The following MYZAP variants were observed in gnomAD, a reference collection of about 807,000 sequenced individuals.
MYZAP encodes the protein GRINL1A complex locus upstream.
A neutral mutation model predicts 69.4 loss-of-function variants in MYZAP; 66 were observed. The ratio of observed to expected loss-of-function variants is 0.95; its 90% CI spans 0.78 to 1.17. The LOEUF is 1.17. MYZAP is among the 50% of genes most tolerant of loss of function. The pLI is 0.00. For missense variants in MYZAP, 611 were observed against 556.2 expected (o/e 1.10, Z -0.99); for synonymous variants, 256 against 205.9 (o/e 1.24, Z -2.09).
At chr15:57,636,321 G>A (rs1198021091) in intron 8 of MYZAP, among the ~76,000 whole-genome samples, 1 of 152,080 alleles carries the variant, frequency 6.6e-6, no homozygotes, top group South Asian at 2.1e-4. Context: ...AGTCAAAGTT[G>A]ATCTACCTTT....
At chr15:57,626,002 T>G in intron 5 of MYZAP, 110 bp downstream of exon 5, 1 of 968,764 alleles carries the variant, frequency 1.0e-6, no homozygotes, top group Non-Finnish European at 1.6e-6. Flanking sequence ...TGATTCAGAA[T>G]TCTTTAAGCA....
rs117528328 is a variant in MYZAP, at chr15:57,667,007, C to G, written c.1203+5474C>G. On this transcript the variant is annotated intron_variant, in intron 11 of 12. Coordinates refer to ENST00000267853, the MANE Select transcript of MYZAP (RefSeq NM_001018100.5). ...TTATCTTCATAAGCTTTCTGAAACT[C>G]TGAACAGATTTCGTTACACTTTTCT... is the stretch of plus-strand genomic sequence containing the variant. Among the ~76,000 whole-genome samples the G allele has an allele frequency of 1.9e-3, 288 of 152,196 alleles. 3 individuals carry two copies. The highest frequency in any genetic ancestry group is 3.5e-3 in the Admixed American group (53 of 15,284).
At chr15:57,636,852 G>T (rs576863494) in intron 8 of MYZAP, among the ~76,000 whole-genome samples, 2 of 152,298 alleles carry the variant, frequency 1.3e-5, no homozygotes, top group South Asian at 4.1e-4. Flanking sequence ...TTTCCACAAG[G>T]TTAGTGGCTT....
At chr15:57,676,459 CATAT>C (rs1450210805) in intron 12 of MYZAP, among the ~76,000 whole-genome samples, 1 of 138,846 alleles carries the variant, frequency 7.2e-6, no homozygotes, top group African/African-American at 2.8e-5. Context: ...TATATATATA[CATAT>C]ATATACATAT....
At chr15:57,625,725 T>A (rs1013835756) in intron 4 of MYZAP, 54 bp from the exon 5 acceptor site, 2 of 1,534,372 alleles carry the variant, frequency 1.3e-6, no homozygotes, top group African/African-American at 1.4e-5. Context: ...AACTGAAGAT[T>A]GTCGTGAACG....
In MYZAP at chr15:57,684,369, C is replaced by T. The variant is rs371629348; in HGVS notation, c.1305-33C>T. 418 of 1,492,708 alleles carry T rather than the reference C, an allele frequency of 2.8e-4. 3 individuals are homozygous for T. The South Asian group carries it at 3.7e-3, about 13-fold the overall frequency. 92.5% of individuals were successfully genotyped at this position (1,492,708 alleles called of 1,614,324 possible). A position where few individuals can be genotyped will look rare whatever the true frequency, so the allele number is the denominator to read the frequency against. On this transcript the variant is annotated intron_variant, in intron 12 of 12. Coordinates refer to ENST00000267853, the MANE Select transcript of MYZAP (RefSeq NM_001018100.5). Reference sequence around the variant, plus strand: ...GCATATGGGGGGTTTTGTTTTGTTTCATTTTCCTGACCTGCATTTTCTCAT... The same window carrying T: ...GCATATGGGGGGTTTTGTTTTGTTTTATTTTCCTGACCTGCATTTTCTCAT...
chr15:57,681,246 C>A (rs1402113732), intron 12 of MYZAP, among the ~76,000 whole-genome samples: 1 of 152,132 alleles, frequency 6.6e-6, no homozygotes, highest in Non-Finnish European at 1.5e-5. Flanking sequence ...CTGGTCAGGT[C>A]AGTGGGGCCT....
intron 2 of MYZAP, among the ~76,000 whole-genome samples, chr15:57,606,872 G>C (rs937251): frequency 0.79 from 120,239 of 152,204 alleles, 47,952 homozygotes; most frequent in East Asian, 0.94. Flanking sequence ...TTCAGCTTCT[G>C]TGTAGCTTTG....
chr15:57,643,998 A>G (rs2037310274), intron 10 of MYZAP, among the ~76,000 whole-genome samples: 1 of 152,230 alleles, frequency 6.6e-6, no homozygotes, highest in South Asian at 2.1e-4. Flanking sequence ...TGATTTTCTC[A>G]TTAGTGCTTC....
intron 1 of MYZAP, among the ~76,000 whole-genome samples, chr15:57,601,277 T>TGTGG (rs2034396246): frequency 6.7e-6 from 1 of 148,656 alleles, no homozygotes; most frequent in Non-Finnish European, 1.5e-5. Context: ...TGCACACTTG[T>TGTGG]GTGTGTGTGT....
At chr15:57,593,212 A>ACACACACACACACACACC in intron 1 of MYZAP, among the ~76,000 whole-genome samples, 1 of 124,992 alleles carries the variant, frequency 8.0e-6, no homozygotes, top group East Asian at 2.0e-4. Flanking sequence ...ACACACACAC[A>ACACACACACACACACACC]CACCCCAGAA....
chr15:57,633,913 T>G (rs1243157832), intron 8 of MYZAP, among the ~76,000 whole-genome samples, 172 bp downstream of exon 8: 1 of 152,206 alleles, frequency 6.6e-6, no homozygotes, highest in East Asian at 1.9e-4. Flanking sequence ...ACGTTCTCAT[T>G]TTTCCCATGA....
rs1690334 is a variant in MYZAP at position 57,621,511 on chromosome 15, C to T, written c.319-97C>T. ...ACAGGCTTGAGCCACCGCACCTGGCCGGGGTCCTTCTTTCTTTAGAGTTTC... is the reference window on the plus strand; with the variant it reads ...ACAGGCTTGAGCCACCGCACCTGGCTGGGGTCCTTCTTTCTTTAGAGTTTC... On this transcript the variant is annotated intron_variant, in intron 3 of 12. Transcript: ENST00000267853. 4.2e-3 allele frequency: 5,990 copies of T among 1,411,312 alleles called. 201 individuals carry two copies. The African/African-American group carries it at 0.072, about 17-fold the overall frequency. The allele number at this position is 1,411,312 out of a possible 1,614,324, so 87.4% of individuals were successfully genotyped here.
At chr15:57,656,259 A>G (rs2038006205) in intron 10 of MYZAP, among the ~76,000 whole-genome samples, 2 of 152,126 alleles carry the variant, frequency 1.3e-5, no homozygotes, top group South Asian at 4.2e-4. Flanking sequence ...AGTCTATGGG[A>G]TGGATTGTTT....
At chr15:57,678,552 G>C (rs1156947883) in intron 12 of MYZAP, among the ~76,000 whole-genome samples, 1 of 152,024 alleles carries the variant, frequency 6.6e-6, no homozygotes, top group Non-Finnish European at 1.5e-5. Context: ...CTTTTTATTG[G>C]TGGTAATCAT....
intron 1 of MYZAP, among the ~76,000 whole-genome samples, chr15:57,601,827 T>A (rs527917344): frequency 1.3e-5 from 2 of 152,180 alleles, no homozygotes; most frequent in South Asian, 4.1e-4. Flanking sequence ...AAAGGGGAAT[T>A]AGTTTGCAGT....
chr15:57,647,073 T>A, intron 10 of MYZAP: 1 of 985,388 alleles, frequency 1.0e-6, no homozygotes. Context: ...AGAGGCCCAG[T>A]GTCCCTCAGA....
chr15:57,655,527 C>A (rs1389292921), intron 10 of MYZAP, among the ~76,000 whole-genome samples: 1 of 151,882 alleles, frequency 6.6e-6, no homozygotes, highest in African/African-American at 2.4e-5. Flanking sequence ...GGGTTTCCAG[C>A]GTGTGGCTAT....
At chr15:57,609,585 AG>A (rs1210211924) in intron 2 of MYZAP, among the ~76,000 whole-genome samples, 3 of 152,226 alleles carry the variant, frequency 2.0e-5, no homozygotes, top group African/African-American at 7.2e-5. Context: ...ACTGGAGGTT[AG>A]GACTCCAGCA....
Sources: allele counts gnomAD v4.1 joint callset (sites outside exome capture counted in the v4.1 genomes callset), GRCh38; gene constraint gnomAD v4.1.1; transcripts MANE v1.5; gene names NCBI Gene and HGNC (gene_info 2026-07-23, HGNC 2026-07-21).